The following DGKK variants were observed in gnomAD, a reference collection of about 807,000 sequenced individuals.
DGKK encodes the protein diacylglycerol kinase kappa.
Under a neutral mutation model 92.2 loss-of-function variants are expected in DGKK, and 35 were observed. The observed-to-expected ratio is 0.38, with a 90% CI of 0.29 to 0.50. The LOEUF (loss-of-function observed/expected upper bound fraction) is 0.50, where lower values mean the gene tolerates loss of function less well. Among genes scored for constraint, DGKK ranks in the 20% least tolerant of loss-of-function variants. The probability of loss-of-function intolerance (pLI) is 0.92; values close to 1 mark genes in which losing one functional copy is unlikely to be tolerated. For synonymous variants in DGKK, 368 were observed against 360.6 expected, an observed-to-expected ratio of 1.02 and a Z score of -0.23; for missense variants, 910 against 992.2, an observed-to-expected ratio of 0.92 and a Z score of 1.11.
intron 1 of DGKK, among the ~76,000 whole-genome samples, chrX:50,458,644 C>T: frequency 9.0e-6 from 1 of 110,900 alleles, no homozygotes; most frequent in Admixed American, 9.7e-5. Context: ...TCCACTTCAG[C>T]CATGTTATAC....
In DGKK at chrX:50,382,508, G is replaced by A. The variant is rs1924438011; in HGVS notation, c.2645C>T (p.Pro882Leu). The change falls in exon 18 of 28, where the codon CCA (proline) becomes CTA (leucine). Residue 882 changes from proline (P) to leucine (L), a missense_variant. By Grantham distance (98) the Pro-to-Leu change is moderately conservative. Transcript: ENST00000611977. Reference sequence around the variant, plus strand: ...TTCTTTTCCTTACTTGTATTGCCCTGGGTGTTCATCTCTTCTGGTGTTGAA... The same window carrying A: ...TTCTTTTCCTTACTTGTATTGCCCTAGGTGTTCATCTCTTCTGGTGTTGAA... ...LDFNTRRDEHPGQYNSRLKNK... is the reference protein window; with the variant it reads ...LDFNTRRDEHLGQYNSRLKNK... 8.3e-7 allele frequency: 1 copy of A among 1,203,544 alleles called. No homozygotes were observed. Among genetic ancestry groups the A allele is most frequent in the African/African-American group, 1.8e-5 (1 of 57,018 alleles).
intron 20 of DGKK, 109 bp from the exon 21 acceptor site, chrX:50,378,800 A>C: frequency 1.7e-6 from 1 of 575,433 alleles, no homozygotes; most frequent in Non-Finnish European, 2.8e-6. Flanking sequence ...TAGCTCATGA[A>C]GAGTGGAAAC....
intron 1 of DGKK, among the ~76,000 whole-genome samples, chrX:50,462,360 G>A (rs1239939916): frequency 9.8e-6 from 1 of 102,008 alleles, no homozygotes; most frequent in East Asian, 3.3e-4. Flanking sequence ...CAACACTTCA[G>A]ATCTGTGGAG....
chrX:50,384,354 G>T, intron 16 of DGKK, 90 bp from the exon 17 acceptor site: 1 of 571,760 alleles, frequency 1.7e-6, no homozygotes, highest in Non-Finnish European at 2.7e-6. Context: ...CTCTGTGGAG[G>T]CAGGGTCAAG....
At position 50,368,986 on chromosome X, in the gene DGKK, T is replaced by G; in HGVS notation, c.3770A>C (p.Glu1257Ala). The change falls in exon 28 of 28, where the codon GAA (glutamate) becomes GCA (alanine). Residue 1257 changes from glutamate to alanine, a missense_variant. Coordinates refer to ENST00000611977, the MANE Select transcript of DGKK (RefSeq NM_001013742.4). ...NLWHRRHRED[E>A]AEGDDPLTPS... The stretch of plus-strand genomic sequence containing the variant: ...TGTTAGAGGATCATCACCCTCTGCT[T>G]CATCTTCACGATGTCTGCGGTGCCA... 1 of 1,209,897 alleles carries G rather than the reference T, an allele frequency of 8.3e-7. No homozygotes were observed. The highest frequency in any genetic ancestry group is 1.1e-6 in the Non-Finnish European group (1 of 894,717).
rs1926941266 is a variant in DGKK at position 50,467,645 on chromosome X, T to A, written c.645+2389A>T. ...CCCCAAGCTTGCCTCGAGGAGGCAG[T>A]GTTTGAAAACAACATCACCCCAGCT... On this transcript the variant is annotated intron_variant, in intron 1 of 27. Coordinates refer to ENST00000611977, the MANE Select transcript of DGKK (RefSeq NM_001013742.4). 4.4e-5 allele frequency among the ~76,000 whole-genome samples: 5 copies of A among 112,956 alleles called. No homozygotes were observed. In the Admixed American group the frequency reaches 4.6e-4, roughly 10 times the overall value.
chrX:50,369,055 GT>G, intron 27 of DGKK, 36 bp from the exon 28 acceptor site: 1 of 1,102,701 alleles, frequency 9.1e-7, no homozygotes, highest in Non-Finnish European at 1.2e-6. Context: ...AAATAATGAG[GT>G]TAGCACAATG....
intron 1 of DGKK, among the ~76,000 whole-genome samples, chrX:50,469,047 G>A: frequency 9.0e-6 from 1 of 110,990 alleles, no homozygotes; most frequent in Non-Finnish European, 1.9e-5. Flanking sequence ...AAGAGCAGAC[G>A]GGGTTTCAGG....
At chrX:50,377,877 G>A (rs1253288886) in intron 22 of DGKK, among the ~76,000 whole-genome samples, 2 of 111,397 alleles carry the variant, frequency 1.8e-5, no homozygotes, top group African/African-American at 6.5e-5. Flanking sequence ...TGAGGAGCCT[G>A]TTTGCAAATT....
At chrX:50,410,877 C>T (rs1200213214) in intron 4 of DGKK, among the ~76,000 whole-genome samples, 3 of 111,383 alleles carry the variant, frequency 2.7e-5, no homozygotes, top group East Asian at 2.8e-4. Context: ...TCTTGTCCCA[C>T]GGGAAACATT....
intron 1 of DGKK, among the ~76,000 whole-genome samples, chrX:50,455,968 G>A (rs1926600808): frequency 8.9e-6 from 1 of 111,769 alleles, no homozygotes; most frequent in African/African-American, 3.3e-5. Context: ...ATACATCTAT[G>A]GTGTCTACAA....
chrX:50,371,908 C>T lies in DGKK; in HGVS notation c.3502-74G>A, dbSNP rs782423267. ...TAGACTCTTACACTCTCCCCCACTC[C>T]CAGTCCCTGCTAGTGACCAAGAGAC... On this transcript the variant is annotated intron_variant, in intron 25 of 27. Transcript: ENST00000611977. 1.6e-3 allele frequency: 995 copies of T among 641,450 alleles called. 4 individuals carry two copies. Among genetic ancestry groups the T allele is most frequent in the Non-Finnish European group, 1.4e-3 (564 of 413,934 alleles). 52.9% of individuals were successfully genotyped at this position (641,450 alleles called of 1,213,427 possible).
At chrX:50,456,073 G>T (rs1338256492) in intron 1 of DGKK, among the ~76,000 whole-genome samples, 2 of 111,411 alleles carry the variant, frequency 1.8e-5, no homozygotes, top group Admixed American at 9.5e-5. Flanking sequence ...TTCTAGAAAG[G>T]GTAGAAGTTT....
At chrX:50,438,083 G>A (rs1028107827) in intron 1 of DGKK, among the ~76,000 whole-genome samples, 10 of 110,601 alleles carry the variant, frequency 9.0e-5, no homozygotes, top group African/African-American at 1.6e-4. Context: ...ATTGGAAACA[G>A]GGCCTAAACA....
rs782503001 is a variant in DGKK at position 50,376,074 on chromosome X, C to T, written c.3364G>A (p.Gly1122Ser). Residue 1122 changes from glycine to serine, a missense_variant, in exon 24 of 28, where the codon GGC becomes AGC. Gly to Ser is a moderately conservative substitution (Grantham distance 56). Coordinates refer to ENST00000611977, the MANE Select transcript of DGKK (RefSeq NM_001013742.4). Reference sequence around the variant, plus strand: ...CCCATCTCATTGCCACTGTCTTGGCCGTAAAATATATCATTCAGGATGTTA... The same window carrying T: ...CCCATCTCATTGCCACTGTCTTGGCTGTAAAATATATCATTCAGGATGTTA... Reference protein sequence around the residue: ...SANILNDIFYGQDSGNEMGAA... With the variant: ...SANILNDIFYSQDSGNEMGAA... 2.2e-5 allele frequency: 26 copies of T among 1,209,242 alleles called. No individual in the cohort carries two copies. Among genetic ancestry groups the T allele is most frequent in the South Asian group, 3.5e-5 (2 of 56,588 alleles).
intron 9 of DGKK, among the ~76,000 whole-genome samples, chrX:50,392,811 G>C (rs1335383536): frequency 1.8e-5 from 2 of 112,302 alleles, no homozygotes; most frequent in African/African-American, 6.5e-5. Flanking sequence ...TATCTATTTG[G>C]TCCCGGGAAA....
At chrX:50,371,959 T>C in intron 25 of DGKK, 125 bp from the exon 26 acceptor site, 1 of 427,803 alleles carries the variant, frequency 2.3e-6, no homozygotes, top group Middle Eastern at 4.8e-4. Context: ...TGTATCCCTT[T>C]GGCCCATAGC....
chrX:50,374,595 A>G (rs1218685967), intron 25 of DGKK, among the ~76,000 whole-genome samples: 8 of 111,013 alleles, frequency 7.2e-5, no homozygotes, highest in African/African-American at 2.6e-4. Flanking sequence ...ATTCCACACC[A>G]CCTTCTCATA....
intron 1 of DGKK, among the ~76,000 whole-genome samples, chrX:50,461,924 T>C (rs1022346879): frequency 9.0e-5 from 10 of 111,491 alleles, no homozygotes; most frequent in Admixed American, 3.8e-4. Flanking sequence ...AGCCAGCACA[T>C]AATGAAACAT....
Sources: gnomAD v4.1 joint callset for allele counts (sites outside exome capture counted in the v4.1 genomes callset) on GRCh38, gnomAD v4.1.1 for gene constraint, MANE v1.5 for transcripts, NCBI Gene and HGNC (gene_info 2026-07-23, HGNC 2026-07-21) for gene names.